Variants in LTB observed in about 807,000 individuals in gnomAD.
LTB encodes lymphotoxin-beta.
LTB carries 17 observed loss-of-function variants against 14.7 expected under a neutral mutation model. The ratio of observed to expected loss-of-function variants is 1.16; its 90% confidence interval spans 0.79 to 1.73. The LOEUF (loss-of-function observed/expected upper bound fraction) is 1.73. Among genes scored for constraint, LTB ranks in the 40% most tolerant of loss-of-function variants. LTB has a pLI of 0.00. For synonymous variants in LTB, 163 were observed against 157.3 expected, an observed-to-expected ratio of 1.04 and a Z score of -0.27; for missense variants, 288 against 324.3, an observed-to-expected ratio of 0.89 and a Z score of 0.86.
At chr6:31,582,223 A>G in intron 1 of LTB, 33 bp downstream of exon 1, 14 of 1,609,718 alleles carry the variant, frequency 8.7e-6, no homozygotes, top group Non-Finnish European at 1.0e-5. Flanking sequence ...CGCAAGATAC[A>G]ACTCTCCACC....
In LTB at chr6:31,581,027, G is replaced by A; in HGVS notation, c.417C>T (p.Val139=). ...QDGLYYLYCL[V]GYRGRAPPGG... is the part of the protein sequence containing the mutation. ...CAGGGGGCGCCCGGCCCCGGTAGCC[G>A]ACGAGACAGTAGAGGTAATAGAGGC... Residue 139 remains valine (V), a synonymous_variant, in exon 4 of 4, where the codon GTC becomes GTT. Transcript: ENST00000429299. 6.3e-7 allele frequency: 1 copy of A among 1,588,694 alleles called. No individual in the cohort carries two copies. The highest frequency in any genetic ancestry group is 8.6e-7 in the Non-Finnish European group (1 of 1,167,756).
chr6:31,580,652 G>A lies in LTB; in HGVS notation c.*57C>T. 1 of 1,494,320 alleles carries A rather than the reference G, an allele frequency of 6.7e-7. No homozygotes were observed. The highest frequency in any genetic ancestry group is 9.2e-7 in the Non-Finnish European group (1 of 1,091,530). The allele number at this position is 1,494,320 out of a possible 1,614,324, so 92.6% of individuals were successfully genotyped here. ...CCTACATTTTTCCCACTGCCATGGG[G>A]TCCTGGGCGTCCGGGCCCCCAATAT... On this transcript the variant is annotated 3_prime_UTR_variant, in exon 4 of 4. Transcript: ENST00000429299. The surrounding 1 kb of genome is among the most constrained non-coding windows in gnomAD (Gnocchi z 6.6).
In LTB at chr6:31,581,292, T is replaced by A. The variant is rs11574937; in HGVS notation, c.281-129A>T. On this transcript the variant is annotated intron_variant, in intron 3 of 3. Transcript: ENST00000429299. ...GGGGGAGGAGGGATGGTGCTGTTTCTGGGATGAGTGCGAGTTGGGGGCCGA... is the reference window on the plus strand; with the variant it reads ...GGGGGAGGAGGGATGGTGCTGTTTCAGGGATGAGTGCGAGTTGGGGGCCGA... 15 of 868,224 alleles carry A rather than the reference T, an allele frequency of 1.7e-5. No homozygotes were observed. The East Asian group carries it at 3.9e-4, about 23-fold the overall frequency. The allele number at this position is 868,224 out of a possible 1,614,324, so 53.8% of individuals were successfully genotyped here. A position where few individuals can be genotyped will look rare whatever the true frequency, so the allele number is the denominator to read the frequency against.
Position 31,580,932 on chromosome 6 carries a change from C to A in LTB, c.512G>T (p.Gly171Val). ...GAGCAGCAGCTCGGGAGTGCCCGGC[C>A]CGTAGGCGCCCCCCGCCCGGTACAG... ...SSLYRAGGAY[G>V]PGTPELLLEG... Residue 171 changes from glycine to valine, a missense_variant, in exon 4 of 4, where the codon GGG (glycine) becomes GTG (valine). Coordinates refer to ENST00000429299, the MANE Select transcript of LTB (RefSeq NM_002341.2). This position sits in a 1 kb window ranked among gnomAD's most constrained non-coding sequence, Gnocchi z 6.6. 1.9e-6 allele frequency: 3 copies of A among 1,579,696 alleles called. No individual in the cohort carries two copies. The highest frequency in any genetic ancestry group is 2.6e-6 in the Non-Finnish European group (3 of 1,163,914).
In LTB at chr6:31,580,798, C is replaced by T; in HGVS notation, c.646G>A (p.Gly216Ser). ...GFGGLVQLRRGERVYVNISHP... is the reference protein window; with the variant it reads ...GFGGLVQLRRSERVYVNISHP... Reference sequence around the variant, plus strand: ...CTGATGTTGACGTACACCCTCTCGCCCCTCCGGAGCTGCACCAGGCCGCCG... The same window carrying T: ...CTGATGTTGACGTACACCCTCTCGCTCCTCCGGAGCTGCACCAGGCCGCCG... Residue 216 changes from glycine (G) to serine (S), a missense_variant, in exon 4 of 4, where the codon GGC becomes AGC. Coordinates refer to ENST00000429299, the MANE Select transcript of LTB (RefSeq NM_002341.2). This position sits in a 1 kb window ranked among gnomAD's most constrained non-coding sequence, Gnocchi z 6.6. The T allele has an allele frequency of 1.9e-6, 3 of 1,613,056 alleles. No homozygotes were observed. The highest frequency in any genetic ancestry group is 2.5e-6 in the Non-Finnish European group (3 of 1,180,014).
intron 3 of LTB, 108 bp from the exon 4 acceptor site, chr6:31,581,271 G>T (rs796873192): frequency 1.3e-5 from 13 of 1,030,562 alleles, no homozygotes; most frequent in South Asian, 1.1e-4. Context: ...CGGGCCGGGG[G>T]AGGAGGGATG....
At chr6:31,581,761 G>T (rs573864094) in intron 2 of LTB, 53 bp downstream of exon 2, 23 of 1,608,846 alleles carry the variant, frequency 1.4e-5, no homozygotes, top group Non-Finnish European at 2.0e-5. Flanking sequence ...GCAGCAGGGA[G>T]CTGGGAGCCC....
Position 31,580,969 on chromosome 6 carries a change from G to A in LTB, c.475C>T (p.Leu159=). 4 of 1,564,334 alleles carry A rather than the reference G, an allele frequency of 2.6e-6. No homozygotes were observed. The highest frequency in any genetic ancestry group is 3.5e-6 in the Non-Finnish European group (4 of 1,155,016). The change falls in exon 4 of 4, where the codon CTG becomes TTG. Residue 159 remains leucine (L), a synonymous_variant. Transcript: ENST00000429299. The surrounding 1 kb of genome is among the most constrained non-coding windows in gnomAD (Gnocchi z 6.6). ...GGDPQGRSVT[L]RSSLYRAGGA... is the part of the protein sequence containing the mutation. ...CCCGCCCGGTACAGAGAGCTGCGCAGCGTGACCGAGCGGCCCTGGGGGTCC... is the reference window on the plus strand; with the variant it reads ...CCCGCCCGGTACAGAGAGCTGCGCAACGTGACCGAGCGGCCCTGGGGGTCC...
chr6:31,581,903 A>G, intron 1 of LTB, 44 bp from the exon 2 acceptor site: 1 of 1,525,526 alleles, frequency 6.6e-7, no homozygotes, highest in Non-Finnish European at 8.8e-7. Flanking sequence ...GATTCAGCTC[A>G]TGTCACCCCT....
In LTB at chr6:31,580,911, A is replaced by AG; in HGVS notation, c.532dup (p.Leu178ProfsTer?). ...AGTCACCGTCTCGGCGCCCTCGAGC[A>AG]GCAGCTCGGGAGTGCCCGGCCCGTA... On this transcript the variant is annotated frameshift_variant, in exon 4 of 4. Transcript: ENST00000429299. LOFTEE classifies it high-confidence loss of function. The surrounding 1 kb of genome is among the most constrained non-coding windows in gnomAD (Gnocchi z 6.6). 2 of 1,592,378 alleles carry AG rather than the reference A, an allele frequency of 1.3e-6. No individual in the cohort carries two copies. The highest frequency in any genetic ancestry group is 1.7e-6 in the Non-Finnish European group (2 of 1,170,520).
In LTB at chr6:31,580,775, G is replaced by A; in HGVS notation, c.669C>T (p.Ile223=). The A allele has an allele frequency of 6.2e-7, 1 of 1,613,046 alleles. No homozygotes were observed. The highest frequency in any genetic ancestry group is 8.5e-7 in the Non-Finnish European group (1 of 1,180,022). The change falls in exon 4 of 4, where the codon ATC becomes ATT. Residue 223 remains isoleucine, a synonymous_variant. Transcript: ENST00000429299. The surrounding 1 kb of genome is among the most constrained non-coding windows in gnomAD (Gnocchi z 6.6). ...LRRGERVYVN[I]SHPDMVDFAR... ...CGAAGTCCACCATATCGGGGTGACT[G>A]ATGTTGACGTACACCCTCTCGCCCC...
chr6:31,581,959 A>G (rs574727222), intron 1 of LTB, 100 bp from the exon 2 acceptor site: 5 of 1,213,964 alleles, frequency 4.1e-6, no homozygotes, highest in East Asian at 2.3e-5. Context: ...GGTTTCTCCT[A>G]CCAGCACCAT....
At chr6:31,582,159 G>C (rs546580317) in intron 1 of LTB, 97 bp downstream of exon 1, 12 of 1,441,980 alleles carry the variant, frequency 8.3e-6, no homozygotes, top group African/African-American at 1.4e-5. Flanking sequence ...AGCCGAGCCA[G>C]CTGAGCCAGA....
Position 31,581,030 on chromosome 6 carries a change from G to A in LTB, c.414C>T (p.Leu138=), listed in dbSNP as rs757614993. The change falls in exon 4 of 4, where the codon CTC becomes CTT. Residue 138 remains leucine (L), a synonymous_variant. Transcript: ENST00000429299. ...GGGGCGCCCGGCCCCGGTAGCCGAC[G>A]AGACAGTAGAGGTAATAGAGGCCGT... The part of the protein sequence containing the change: ...PQDGLYYLYC[L]VGYRGRAPPG... 5 of 1,593,914 alleles carry A rather than the reference G, an allele frequency of 3.1e-6. No individual in the cohort carries two copies. In the South Asian group the frequency reaches 4.5e-5, roughly 14 times the overall value.
chr6:31,581,717 G>T, intron 2 of LTB, 87 bp from the exon 3 acceptor site: 1 of 1,597,044 alleles, frequency 6.3e-7, no homozygotes, highest in Non-Finnish European at 8.6e-7. Context: ...GGGATGGGGA[G>T]CCTGGATTCC....
Position 31,581,171 on chromosome 6 carries a change from G to A in LTB, c.281-8C>T. On this transcript the variant is annotated splice_region_variant and splice_polypyrimidine_tract_variant and intron_variant, in intron 3 of 3. Transcript: ENST00000429299. ...GCCCCTTCAGCGGAGCGCCTGCGGA[G>A]ACACGGGCCGACGCGCTCTTGGGAA... 6.6e-7 allele frequency: 1 copy of A among 1,520,774 alleles called. No homozygotes were observed. The allele number at this position is 1,520,774 out of a possible 1,614,324, so 94.2% of individuals were successfully genotyped here.
Position 31,580,563 on chromosome 6 carries a change from C to T in LTB, c.*146G>A. 2.6e-6 allele frequency: 2 copies of T among 776,646 alleles called. No homozygotes were observed. Among genetic ancestry groups the T allele is most frequent in the East Asian group, 2.6e-5 (1 of 37,812 alleles). 48.1% of individuals were successfully genotyped at this position (776,646 alleles called of 1,614,324 possible). ...GTGTGTCGCAACTCAGCATCTTTAT[C>T]GGCAGCACTGAAGCTTTCCATTCTT... On this transcript the variant is annotated 3_prime_UTR_variant, in exon 4 of 4. Coordinates refer to ENST00000429299, the MANE Select transcript of LTB (RefSeq NM_002341.2). The surrounding 1 kb of genome is among the most constrained non-coding windows in gnomAD (Gnocchi z 6.6).
intron 3 of LTB, 30 bp downstream of exon 3, chr6:31,581,527 TAC>T (rs1562485910): frequency 6.3e-7 from 1 of 1,598,234 alleles, no homozygotes; most frequent in Middle Eastern, 1.7e-4. Context: ...TCGGATTATT[TAC>T]ACTCTTATTC....
rs773699696 is a variant in LTB at position 31,581,561 on chromosome 6, A to G, written c.278T>C (p.Ile93Thr). ...LSPGLPAAHL[I>T]GAPLKGQGLG... ...ATTCAGGTCTTGGAGGTCCTTACCT[A>G]TGAGGTGGGCAGCTGGGAGCCCGGG... is the stretch of plus-strand genomic sequence containing the variant. The change falls in exon 3 of 4, where the codon ATA (isoleucine) becomes ACA (threonine). Residue 93 changes from isoleucine to threonine, a missense_variant and splice_region_variant. Ile to Thr is a moderately conservative substitution (Grantham distance 89). This residue lies in a region of LTB where 284 missense variants were observed against 299.2 expected (regional missense o/e 0.95). Transcript: ENST00000429299. 1 of 1,612,750 alleles carries G rather than the reference A, an allele frequency of 6.2e-7. No individual in the cohort carries two copies.
Sources: gnomAD v4.1 joint callset for allele counts on GRCh38, gnomAD v4.1.1 for gene constraint, gnomAD v4.1.1 regional missense constraint, Gnocchi (gnomAD v3.1) non-coding constraint, MANE v1.5 for transcripts, NCBI Gene and HGNC (gene_info 2026-07-23, HGNC 2026-07-21) for gene names.